Variants in TSHR observed in about 807,000 individuals in gnomAD.
TSHR encodes the protein thyroid stimulating hormone receptor.
Under a neutral mutation model 64.1 loss-of-function variants are expected in TSHR, and 51 were observed. The observed-to-expected ratio is 0.80, with a 90% CI of 0.64 to 1.01. The LOEUF (loss-of-function observed/expected upper bound fraction) is 1.01. TSHR is among the 50% of genes least tolerant of loss of function. The pLI is 0.00. For missense variants in TSHR, 877 were observed against 942.8 expected (o/e 0.93, Z 0.91); for synonymous variants, 361 against 361.9 (o/e 1.00, Z 0.03).
At chr14:80,967,087 C>T (rs1199482787) in intron 1 of TSHR, among the ~76,000 whole-genome samples, 1 of 151,308 alleles carries the variant, frequency 6.6e-6, no homozygotes, top group East Asian at 1.9e-4. Context: ...GAAGCCCTCA[C>T]TGAGAAAATG....
intron 1 of TSHR, among the ~76,000 whole-genome samples, chr14:80,988,381 G>T (rs1888575182): frequency 6.6e-6 from 1 of 152,082 alleles, no homozygotes; most frequent in Non-Finnish European, 1.5e-5. Flanking sequence ...GGAGGAAGGG[G>T]GTGGGGAAGT....
intron 2 of TSHR, among the ~76,000 whole-genome samples, chr14:81,065,518 G>C (rs1436035713): frequency 1.3e-5 from 2 of 152,270 alleles, no homozygotes; most frequent in East Asian, 1.9e-4. Flanking sequence ...AGATATAGGA[G>C]ACACCCAGGC....
At chr14:81,125,972 T>A (rs1891005277) in intron 8 of TSHR, among the ~76,000 whole-genome samples, 1 of 151,976 alleles carries the variant, frequency 6.6e-6, no homozygotes, top group Non-Finnish European at 1.5e-5. Flanking sequence ...ATGGTGTGCA[T>A]GCTGACTTCT....
chr14:81,023,996 G>C (rs1180147155), intron 1 of TSHR, among the ~76,000 whole-genome samples: 1 of 151,988 alleles, frequency 6.6e-6, no homozygotes, highest in Admixed American at 6.6e-5. Flanking sequence ...AATCTATTTA[G>C]GCAGATATTC....
intron 1 of TSHR, among the ~76,000 whole-genome samples, chr14:80,996,428 C>T (rs2268457): frequency 0.18 from 28,116 of 152,072 alleles, 3,219 homozygotes; most frequent in Admixed American, 0.28. Context: ...TAGTAAGTGA[C>T]GATGACTGGT....
chr14:80,994,517 C>T (rs559051647), intron 1 of TSHR: 6 of 152,068 alleles, frequency 3.9e-5, no homozygotes, highest in Admixed American at 1.3e-4. Context: ...GCCTGATACT[C>T]GTACAAGAAC....
chr14:81,024,320 C>T (rs1883932529), intron 1 of TSHR, among the ~76,000 whole-genome samples: 1 of 152,070 alleles, frequency 6.6e-6, no homozygotes, highest in Non-Finnish European at 1.5e-5. Context: ...GCAATCTCGG[C>T]TCACTGCAAC....
chr14:81,050,663 A>G (rs577686779), intron 1 of TSHR: 1 of 152,342 alleles, frequency 6.6e-6, no homozygotes, highest in South Asian at 2.1e-4. Flanking sequence ...TAATAATAGT[A>G]AAGTAATGCA....
chr14:81,000,318 G>T (rs11159480), intron 1 of TSHR, among the ~76,000 whole-genome samples: 127,971 of 152,122 alleles, frequency 0.84, 54,207 homozygotes, highest in East Asian at 0.99. Flanking sequence ...TAAGCACCAC[G>T]AGAAATATTT....
chr14:81,103,641 G>A lies in TSHR; in HGVS notation c.615-4734G>A, dbSNP rs1236756449. The A allele has an allele frequency of 1.3e-5, 13 of 985,348 alleles. No individual in the cohort carries two copies. Among genetic ancestry groups the A allele is most frequent in the Non-Finnish European group, 1.6e-5 (13 of 829,944 alleles). The allele number at this position is 985,348 out of a possible 1,614,324, so 61.0% of individuals were successfully genotyped here. ...TATGACTTCCTATGGCGCCAAGAAT[G>A]TTGTCATCACTCAGAGGTGAAATTA... On this transcript the variant is annotated intron_variant, in intron 7 of 9. Coordinates refer to ENST00000298171, the MANE Select transcript of TSHR (RefSeq NM_000369.5). This position sits in a 1 kb window ranked among gnomAD's most constrained non-coding sequence, Gnocchi z 4.1.
chr14:80,991,703 G>C (rs1205733154), intron 1 of TSHR: 1 of 396,266 alleles, frequency 2.5e-6, no homozygotes, highest in Non-Finnish European at 4.4e-6. Context: ...GATAATAGAA[G>C]GGCCTAGGGA....
chr14:81,083,799 C>T (rs114199246), intron 3 of TSHR, among the ~76,000 whole-genome samples: 3,054 of 152,310 alleles, frequency 0.02, 41 homozygotes, highest in Middle Eastern at 0.054. Context: ...CATTGACTCA[C>T]GGTTCTGCAT....
At chr14:81,092,695 C>T in intron 6 of TSHR, 87 bp downstream of exon 6, 1 of 1,204,594 alleles carries the variant, frequency 8.3e-7, no homozygotes, top group Admixed American at 1.7e-5. Flanking sequence ...AAGAGCCATA[C>T]TGCCTTATCA....
At chr14:81,065,827 GAAGA>G (rs1375870970) in intron 2 of TSHR, among the ~76,000 whole-genome samples, 1 of 152,206 alleles carries the variant, frequency 6.6e-6, no homozygotes, top group Admixed American at 6.6e-5. Context: ...ATCTTGGGGA[GAAGA>G]AAGAGATCAG....
At chr14:81,024,368 C>T (rs148355036) in intron 1 of TSHR, among the ~76,000 whole-genome samples, 84 of 152,218 alleles carry the variant, frequency 5.5e-4, no homozygotes, top group African/African-American at 2.0e-3. Context: ...TCTGCCTCAG[C>T]CTCCCGAGTA....
At chr14:81,037,407 A>G (rs1594983316) in intron 1 of TSHR, among the ~76,000 whole-genome samples, 1 of 150,104 alleles carries the variant, frequency 6.7e-6, no homozygotes, top group East Asian at 2.0e-4. Context: ...GGAAAAAGGA[A>G]CAAAGGAAAT....
intron 1 of TSHR, among the ~76,000 whole-genome samples, chr14:81,058,877 C>A (rs1006341295): frequency 6.6e-6 from 1 of 152,098 alleles, no homozygotes; most frequent in South Asian, 2.1e-4. Flanking sequence ...TCACAAGATT[C>A]TTTGAGTAAA....
At chr14:81,138,160 A>C (rs1430429619) in intron 8 of TSHR, among the ~76,000 whole-genome samples, 1 of 152,010 alleles carries the variant, frequency 6.6e-6, no homozygotes, top group Non-Finnish European at 1.5e-5. Context: ...TCACCTGGGA[A>C]TAATACAGGA....
At chr14:81,023,311 AC>A (rs1566767877) in intron 1 of TSHR, among the ~76,000 whole-genome samples, 1 of 151,686 alleles carries the variant, frequency 6.6e-6, no homozygotes, top group Non-Finnish European at 1.5e-5. Context: ...AAGGGGAAAG[AC>A]CCACCCCCAT....
Sources: gnomAD v4.1 joint callset for allele counts (sites outside exome capture counted in the v4.1 genomes callset) on GRCh38, gnomAD v4.1.1 for gene constraint, Gnocchi (gnomAD v3.1) non-coding constraint, MANE v1.5 for transcripts, NCBI Gene and HGNC (gene_info 2026-07-23, HGNC 2026-07-21) for gene names.